The following DLGAP3 variants were observed in gnomAD, a reference collection of about 807,000 sequenced individuals.
DLGAP3 encodes the protein disks large-associated protein 3.
DLGAP3 carries 17 observed loss-of-function variants against 81.2 expected under a neutral mutation model. That is an observed-to-expected ratio of 0.21 (90% CI 0.14 to 0.31). The LOEUF (loss-of-function observed/expected upper bound fraction) is 0.31. Among genes scored for constraint, DLGAP3 ranks in the 10% least tolerant of loss-of-function variants. The pLI, the probability that DLGAP3 is intolerant of heterozygous loss-of-function variation, is 1.00. For missense variants in DLGAP3, 1,124 were observed against 1,388.0 expected (o/e 0.81, Z 3.02); for synonymous variants, 577 against 587.4 (o/e 0.98, Z 0.26).
intron 3 of DLGAP3, among the ~76,000 whole-genome samples, chr1:34,903,281 C>G (rs895614914): frequency 2.6e-5 from 4 of 152,204 alleles, no homozygotes; most frequent in Non-Finnish European, 5.9e-5. Context: ...TCCCCTATCA[C>G]AGCCTCATCA....
At chr1:34,874,093 G>A (rs1639016343) in intron 8 of DLGAP3, among the ~76,000 whole-genome samples, 1 of 152,188 alleles carries the variant, frequency 6.6e-6, no homozygotes, top group Admixed American at 6.5e-5. Context: ...GCCCTTCCTT[G>A]TCTCTTCCTC....
In DLGAP3 at chr1:34,905,292, GC is replaced by G; in HGVS notation, c.91del (p.Ala31ProfsTer33). ...QHMDVGPAAR[A>X]PYLLGSREAF... ...CTCCCTGGAGCCCAGCAGGTATGGG[GC>G]CCTGGCAGCAGGGCCCACGTCCATA... On this transcript the variant is annotated frameshift_variant, in exon 3 of 12. Transcript: ENST00000373347. LOFTEE classifies it high-confidence loss of function. 1 of 1,527,052 alleles carries G rather than the reference GC, an allele frequency of 6.5e-7. No homozygotes were observed. Among genetic ancestry groups the G allele is most frequent in the Non-Finnish European group, 8.8e-7 (1 of 1,130,436 alleles). The allele number at this position is 1,527,052 out of a possible 1,614,324, so 94.6% of individuals were successfully genotyped here. A position where few individuals can be genotyped will look rare whatever the true frequency, so the allele number is the denominator to read the frequency against.
intron 5 of DLGAP3, among the ~76,000 whole-genome samples, chr1:34,886,921 G>T (rs1199657263): frequency 7.3e-6 from 1 of 137,718 alleles, no homozygotes; most frequent in Admixed American, 7.4e-5. Flanking sequence ...ACCTACCAGT[G>T]TCCCAAGCCT....
intron 1 of DLGAP3, among the ~76,000 whole-genome samples, chr1:34,924,314 C>T (rs1443711390): frequency 6.6e-6 from 1 of 152,144 alleles, no homozygotes; most frequent in Non-Finnish European, 1.5e-5. Context: ...TAGCCTCCCC[C>T]TTCTCTTCTC....
intron 8 of DLGAP3, among the ~76,000 whole-genome samples, chr1:34,872,018 T>C (rs1638988316): frequency 6.6e-6 from 1 of 152,052 alleles, no homozygotes; most frequent in African/African-American, 2.4e-5. Flanking sequence ...GCAAGTGGCA[T>C]TTAAAACCAG....
intron 5 of DLGAP3, among the ~76,000 whole-genome samples, chr1:34,897,559 G>T (rs548909546): frequency 4.8e-4 from 73 of 152,176 alleles, no homozygotes; most frequent in Non-Finnish European, 7.8e-4. Flanking sequence ...CTCCACTCCA[G>T]CGAGGTCACC....
At chr1:34,914,087 G>T (rs539032165) in intron 1 of DLGAP3, among the ~76,000 whole-genome samples, 2 of 152,114 alleles carry the variant, frequency 1.3e-5, no homozygotes. Context: ...AGGGTTCGGG[G>T]TCTACCACCC....
At chr1:34,917,979 C>T (rs959450892) in intron 1 of DLGAP3, among the ~76,000 whole-genome samples, 13 of 152,162 alleles carry the variant, frequency 8.5e-5, no homozygotes, top group Non-Finnish European at 1.3e-4. Context: ...CCCTAATCAC[C>T]CCCCAAGCCA....
At chr1:34,917,630 C>T (rs552801556) in intron 1 of DLGAP3, among the ~76,000 whole-genome samples, 1 of 152,308 alleles carries the variant, frequency 6.6e-6, no homozygotes, top group Non-Finnish European at 1.5e-5. Flanking sequence ...TAGGCTTGAG[C>T]CACCGTGGCT....
intron 5 of DLGAP3, among the ~76,000 whole-genome samples, chr1:34,890,893 G>T (rs1639301394): frequency 6.6e-6 from 1 of 152,196 alleles, no homozygotes; most frequent in African/African-American, 2.4e-5. Flanking sequence ...AACTTACATA[G>T]CAATAGAAAA....
At chr1:34,918,372 T>C (rs1375179534) in intron 1 of DLGAP3, among the ~76,000 whole-genome samples, 1 of 151,610 alleles carries the variant, frequency 6.6e-6, no homozygotes, top group Non-Finnish European at 1.5e-5. Context: ...GACAAGGGGG[T>C]CTGCTCAATG....
intron 5 of DLGAP3, among the ~76,000 whole-genome samples, chr1:34,898,562 C>G (rs969057458): frequency 6.6e-6 from 1 of 152,182 alleles, no homozygotes; most frequent in Non-Finnish European, 1.5e-5. Context: ...CAATGAGAGC[C>G]AACGTGGACA....
At chr1:34,906,468 G>A (rs1639558221) in intron 2 of DLGAP3, among the ~76,000 whole-genome samples, 2 of 152,110 alleles carry the variant, frequency 1.3e-5, no homozygotes, top group Admixed American at 6.6e-5. Flanking sequence ...TCCACACCCT[G>A]TGCATTCCAT....
chr1:34,920,591 G>C (rs1364420196), intron 1 of DLGAP3, among the ~76,000 whole-genome samples: 1 of 152,120 alleles, frequency 6.6e-6, no homozygotes, highest in Non-Finnish European at 1.5e-5. Context: ...CCCACTGCTG[G>C]TGTTCTACAT....
intron 1 of DLGAP3, among the ~76,000 whole-genome samples, chr1:34,919,512 C>T (rs1423164347): frequency 1.3e-5 from 2 of 152,204 alleles, no homozygotes; most frequent in African/African-American, 2.4e-5. Context: ...GGTGCAGTGA[C>T]TCATACCTGT....
rs776649109 is a variant in DLGAP3, at chr1:34,904,325, G to A, written c.1059C>T (p.Leu353=). 1.2e-5 allele frequency: 20 copies of A among 1,610,252 alleles called. No homozygotes were observed. The highest frequency in any genetic ancestry group is 1.5e-5 in the Non-Finnish European group (18 of 1,180,036). The change falls in exon 3 of 12, where the codon CTC becomes CTT. Residue 353 remains leucine, a synonymous_variant. Coordinates refer to ENST00000373347, the MANE Select transcript of DLGAP3 (RefSeq NM_001080418.3). The surrounding 1 kb of genome is among the most constrained non-coding windows in gnomAD (Gnocchi z 8.1). ...CTTTGGCCTTGGTCTCCGGACCCAG[G>A]AGCCCCTTGCCTGGCCCGGCCCCCG... The part of the protein sequence containing the change: ...GYPGAGPGKG[L]LGPETKAKAR...
In DLGAP3 at chr1:34,870,422, A is replaced by C. The variant is rs140782895; in HGVS notation, c.2001-1333T>G. Among the ~76,000 whole-genome samples the C allele has an allele frequency of 6.7e-3, 1,019 of 152,258 alleles. 14 individuals are homozygous for C. The highest frequency in any genetic ancestry group is 0.024 in the African/African-American group (980 of 41,550). ...CATGGTCAGAAGGGATTGTGGGCCC[A>C]GCTCTAGGGTCCCTCCACCTCCCCA... On this transcript the variant is annotated intron_variant, in intron 8 of 11. Transcript: ENST00000373347.
chr1:34,866,986 C>G, intron 11 of DLGAP3, 62 bp downstream of exon 11: 4 of 1,594,310 alleles, frequency 2.5e-6, no homozygotes, highest in Non-Finnish European at 3.4e-6. Flanking sequence ...CACCCTCCAC[C>G]TCTCTGGGGA....
In DLGAP3 at chr1:34,895,284, C is replaced by T. The variant is rs924531593; in HGVS notation, c.1386+4385G>A. On this transcript the variant is annotated intron_variant, in intron 5 of 11. Transcript: ENST00000373347. The surrounding 1 kb of genome is among the most constrained non-coding windows in gnomAD (Gnocchi z 4.5). ...TCCGGAGACTGAGGCAGAAGAATGG[C>T]GTGAACCCAGGAAGCGGAGCTTGCA... Among the ~76,000 whole-genome samples, 13 of 151,330 alleles carry T rather than the reference C, an allele frequency of 8.6e-5. No homozygotes were observed. Among genetic ancestry groups the T allele is most frequent in the Admixed American group, 2.6e-4 (4 of 15,148 alleles).
Sources: allele counts gnomAD v4.1 joint callset (sites outside exome capture counted in the v4.1 genomes callset), GRCh38; gene constraint gnomAD v4.1.1; non-coding constraint Gnocchi (gnomAD v3.1); transcripts MANE v1.5; gene names NCBI Gene and HGNC (gene_info 2026-07-23, HGNC 2026-07-21).